The following ARID1B variants were observed in gnomAD, a reference collection of about 807,000 sequenced individuals.
ARID1B encodes AT-rich interactive domain-containing protein 1B.
A neutral mutation model predicts 212.3 loss-of-function variants in ARID1B; 30 were observed. The observed-to-expected ratio is 0.14, with a 90% CI of 0.11 to 0.19. ARID1B has a LOEUF of 0.19. Among genes scored for constraint, ARID1B ranks in the 10% least tolerant of loss-of-function variants. ARID1B has a pLI of 1.00. For synonymous variants in ARID1B, 1,402 were observed against 1,301.7 expected (o/e 1.08, Z -1.66); for missense variants, 2,891 against 3,204.0 (o/e 0.90, Z 2.36).
chr6:156,966,418 AG>A (rs1375712827), intron 4 of ARID1B, among the ~76,000 whole-genome samples: 1 of 116,058 alleles, frequency 8.6e-6, no homozygotes, highest in East Asian at 2.4e-4. Flanking sequence ...TTTGAGACAG[AG>A]GTTTACCCTT....
chr6:156,946,697 A>G (rs1305629115), intron 4 of ARID1B, among the ~76,000 whole-genome samples: 1 of 140,772 alleles, frequency 7.1e-6, no homozygotes, highest in Non-Finnish European at 1.6e-5. Flanking sequence ...GTTGGAATAG[A>G]GGGAGGGAGG....
At chr6:157,127,728 A>G (rs1788227959) in intron 6 of ARID1B, among the ~76,000 whole-genome samples, 1 of 144,988 alleles carries the variant, frequency 6.9e-6, no homozygotes, top group Non-Finnish European at 1.5e-5. Flanking sequence ...GTGAGCCAAG[A>G]TCGCGCCACT....
At chr6:156,791,509 G>C (rs1780006164) in intron 1 of ARID1B, among the ~76,000 whole-genome samples, 1 of 152,198 alleles carries the variant, frequency 6.6e-6, no homozygotes, top group Non-Finnish European at 1.5e-5. Context: ...CTGAAGTGCC[G>C]TGACCTTCAC....
chr6:157,113,682 GA>G (rs1161535808), intron 6 of ARID1B, among the ~76,000 whole-genome samples: 1 of 152,168 alleles, frequency 6.6e-6, no homozygotes, highest in Non-Finnish European at 1.5e-5. Context: ...TTTGGGTGGG[GA>G]CACAGTTCAA....
intron 4 of ARID1B, among the ~76,000 whole-genome samples, chr6:157,011,465 G>A (rs879499507): frequency 5.3e-5 from 8 of 152,254 alleles, no homozygotes; most frequent in Middle Eastern, 3.4e-3. Flanking sequence ...AGCTTAATTG[G>A]TGTGAAGTAT....
intron 8 of ARID1B, chr6:157,150,507 T>C (rs1790114946): frequency 6.4e-6 from 1 of 156,246 alleles, no homozygotes; most frequent in Non-Finnish European, 1.4e-5. Context: ...AAATGGAGAT[T>C]AGAATTGAGA....
chr6:157,173,824 G>T (rs1791889889), intron 9 of ARID1B, 184 bp from the exon 10 acceptor site: 1 of 505,810 alleles, frequency 2.0e-6, no homozygotes, highest in African/African-American at 1.9e-5. Flanking sequence ...AAAGGATTTT[G>T]CCAGAATGCG....
At chr6:156,816,817 C>A (rs983709090) in intron 1 of ARID1B, among the ~76,000 whole-genome samples, 1 of 152,066 alleles carries the variant, frequency 6.6e-6, no homozygotes, top group African/African-American at 2.4e-5. Flanking sequence ...TTGAGGCTAA[C>A]CTTGTTTGTT....
intron 1 of ARID1B, among the ~76,000 whole-genome samples, chr6:156,793,054 T>C (rs934777600): frequency 2.0e-5 from 3 of 152,200 alleles, no homozygotes; most frequent in Non-Finnish European, 4.4e-5. Context: ...TAAGGAGCGC[T>C]AATCCAGTGA....
At chr6:156,949,767 G>T (rs1793441769) in intron 4 of ARID1B, among the ~76,000 whole-genome samples, 1 of 152,058 alleles carries the variant, frequency 6.6e-6, no homozygotes, top group South Asian at 2.1e-4. Context: ...GTTTTACCCT[G>T]CACAGAAGAA....
At position 157,181,067 on chromosome 6, in the gene ARID1B, C is replaced by T. The variant is rs2128317182; in HGVS notation, c.3603C>T (p.Thr1201=). ...AGCTCTGGGTCGACCGATACCTCAC[C>T]TTCATGGAAGAGAGAGGCTCTCCTG... is the stretch of plus-strand genomic sequence containing the variant. The part of the protein sequence containing the change: ...ERKLWVDRYL[T]FMEERGSPVS... Residue 1201 remains threonine (T), a synonymous_variant, in exon 12 of 20, where the codon ACC becomes ACT. Coordinates refer to ENST00000636930, the MANE Select transcript of ARID1B (RefSeq NM_001374828.1). 1 of 1,614,168 alleles carries T rather than the reference C, an allele frequency of 6.2e-7. No homozygotes were observed. The highest frequency in any genetic ancestry group is 8.5e-7 in the Non-Finnish European group (1 of 1,180,038).
intron 8 of ARID1B, among the ~76,000 whole-genome samples, chr6:157,158,650 T>A (rs889676313): frequency 6.6e-6 from 1 of 152,152 alleles, no homozygotes; most frequent in African/African-American, 2.4e-5. Context: ...AGAGACCTGC[T>A]CCCTCCACTC....
rs1465717904 is a variant in ARID1B, at chr6:157,148,485, A to G, written c.2762-139A>G. 1.1e-6 allele frequency: 1 copy of G among 901,838 alleles called. No homozygotes were observed. The highest frequency in any genetic ancestry group is 1.6e-6 in the Non-Finnish European group (1 of 610,994). 55.9% of individuals were successfully genotyped at this position (901,838 alleles called of 1,614,324 possible). On this transcript the variant is annotated intron_variant, in intron 7 of 19. Coordinates refer to ENST00000636930, the MANE Select transcript of ARID1B (RefSeq NM_001374828.1). This position sits in a 1 kb window ranked among gnomAD's most constrained non-coding sequence, Gnocchi z 5.6. ...GAGCATGTTTGAGACTGGCAGCTGCACCAGCAGCAACAGGAAGGGCCTATA... is the reference window on the plus strand; with the variant it reads ...GAGCATGTTTGAGACTGGCAGCTGCGCCAGCAGCAACAGGAAGGGCCTATA...
At chr6:157,193,982 C>A (rs575674477) in intron 15 of ARID1B, 1 of 152,328 alleles carries the variant, frequency 6.6e-6, no homozygotes, top group South Asian at 2.1e-4. Flanking sequence ...TTCTCACCCC[C>A]TTACTAAGAA....
At chr6:157,115,772 G>T (rs1281088227) in intron 6 of ARID1B, among the ~76,000 whole-genome samples, 1 of 152,038 alleles carries the variant, frequency 6.6e-6, no homozygotes, top group Non-Finnish European at 1.5e-5. Flanking sequence ...AGATTTTTTG[G>T]CCTTTACTTC....
chr6:156,840,564 T>G (rs1202052694), intron 2 of ARID1B, among the ~76,000 whole-genome samples: 4 of 152,236 alleles, frequency 2.6e-5, no homozygotes. Flanking sequence ...TCTGTGTGCT[T>G]TAGCCGTGTT....
chr6:157,074,567 G>A (rs1784194521), intron 4 of ARID1B, among the ~76,000 whole-genome samples: 1 of 152,248 alleles, frequency 6.6e-6, no homozygotes, highest in African/African-American at 2.4e-5. Context: ...AGCTTTACTT[G>A]TTTGGATATA....
intron 3 of ARID1B, among the ~76,000 whole-genome samples, chr6:156,913,533 C>T (rs1028182014): frequency 3.9e-5 from 6 of 151,992 alleles, no homozygotes; most frequent in South Asian, 2.1e-4. Context: ...TTCAAGAATA[C>T]AATATATTAT....
intron 4 of ARID1B, among the ~76,000 whole-genome samples, chr6:157,051,580 A>G (rs776779972): frequency 6.6e-6 from 1 of 152,244 alleles, no homozygotes; most frequent in Non-Finnish European, 1.5e-5. Flanking sequence ...GTAATATGCA[A>G]CAATTCTGAA....
Sources: gnomAD v4.1 joint callset for allele counts (sites outside exome capture counted in the v4.1 genomes callset) on GRCh38, gnomAD v4.1.1 for gene constraint, Gnocchi (gnomAD v3.1) non-coding constraint, MANE v1.5 for transcripts, NCBI Gene and HGNC (gene_info 2026-07-23, HGNC 2026-07-21) for gene names.